Variants in ASNS observed in about 807,000 individuals in gnomAD.
ASNS encodes asparagine synthetase [glutamine-hydrolyzing].
Under a neutral mutation model 62.6 loss-of-function variants are expected in ASNS, and 37 were observed. The observed-to-expected ratio is 0.59, with a 90% confidence interval of 0.45 to 0.78. ASNS has a LOEUF of 0.78. ASNS is among the 30% of genes least tolerant of loss of function. The probability of loss-of-function intolerance (pLI) is 0.00; values close to 1 mark genes in which losing one functional copy is unlikely to be tolerated. For missense variants in ASNS, 520 were observed against 682.4 expected (o/e 0.76, Z 2.65); for synonymous variants, 207 against 237.9 (o/e 0.87, Z 1.19).
chr7:97,926,389 G>C, the ASNS span, among the ~76,000 whole-genome samples: 2 of 152,122 alleles, frequency 1.3e-5, no homozygotes, highest in Non-Finnish European at 2.9e-5. Context: ...CAAGCTAATG[G>C]TCTACACAGA....
chr7:97,859,087 G>A (rs1367157097), intron 5 of ASNS, 126 bp downstream of exon 5: 5 of 1,393,322 alleles, frequency 3.6e-6, no homozygotes, highest in Non-Finnish European at 4.9e-6. Flanking sequence ...AAATCTTAAT[G>A]TGTTCCCTCC....
At chr7:97,888,847 C>G in the ASNS span, among the ~76,000 whole-genome samples, 3 of 152,114 alleles carry the variant, frequency 2.0e-5, no homozygotes, top group African/African-American at 7.2e-5. Flanking sequence ...CATCTGGGGG[C>G]CTGGAGATTG....
At chr7:97,905,707 C>T in the ASNS span, among the ~76,000 whole-genome samples, 1 of 152,166 alleles carries the variant, frequency 6.6e-6, no homozygotes, top group African/African-American at 2.4e-5. Context: ...TTCCAAGCTA[C>T]CTTCTCCACT....
upstream of ASNS, among the ~76,000 whole-genome samples, chr7:97,876,099 C>T (rs1003435492): frequency 1.3e-5 from 2 of 152,122 alleles, no homozygotes; most frequent in Non-Finnish European, 1.5e-5. Flanking sequence ...TCAGGTGATC[C>T]ACCTGCCTCG....
chr7:97,874,617 T>A (rs532420063), upstream of ASNS, among the ~76,000 whole-genome samples: 554 of 152,370 alleles, frequency 3.6e-3, 1 homozygote, highest in Non-Finnish European at 4.2e-3. Context: ...AAAATCTTCA[T>A]AATCCACGTT....
the ASNS span, among the ~76,000 whole-genome samples, chr7:97,915,341 A>G: frequency 6.6e-6 from 1 of 152,220 alleles, no homozygotes; most frequent in Admixed American, 6.5e-5. Flanking sequence ...AACCATCACT[A>G]TCTAATACTG....
the ASNS span, among the ~76,000 whole-genome samples, chr7:97,887,276 G>T: frequency 1.3e-5 from 2 of 152,278 alleles, 1 homozygote; most frequent in South Asian, 4.1e-4. Flanking sequence ...TCCCTCCCCA[G>T]TCAGGCCCCC....
chr7:97,884,559 G>A, the ASNS span, among the ~76,000 whole-genome samples: 4,958 of 152,046 alleles, frequency 0.033, 237 homozygotes, highest in African/African-American at 0.098. Flanking sequence ...CCAAAAAAAA[G>A]TCCCTTAAAT....
chr7:97,884,526 G>T, the ASNS span, among the ~76,000 whole-genome samples: 1 of 152,108 alleles, frequency 6.6e-6, no homozygotes, highest in Non-Finnish European at 1.5e-5. Context: ...CCAAGCCTGG[G>T]CGTCAAGAGT....
At chr7:97,873,181 C>T (rs1792361326), upstream of ASNS, among the ~76,000 whole-genome samples, 1 of 152,234 alleles carries the variant, frequency 6.6e-6, no homozygotes, top group Non-Finnish European at 1.5e-5. Flanking sequence ...ATTTTGTCAA[C>T]TTGCCTCCAC....
the ASNS span, among the ~76,000 whole-genome samples, chr7:97,883,885 G>T: frequency 3.3e-5 from 5 of 151,098 alleles, no homozygotes; most frequent in African/African-American, 1.2e-4. Context: ...CTACTTGGGA[G>T]ACTGAGGCAG....
Position 97,856,751 on chromosome 7 carries a change from A to T in ASNS, c.969T>A (p.Ala323=). Residue 323 remains alanine, a synonymous_variant, in exon 8 of 13, where the codon GCT becomes GCA. Coordinates refer to ENST00000394308, the MANE Select transcript of ASNS (RefSeq NM_001673.5). Reference sequence around the variant, plus strand: ...CCAAGGAAAATATGACTTCATCCAGAGCCTGAATGCCTTCCTCAGAGTTAA... The same window carrying T: ...CCAAGGAAAATATGACTTCATCCAGTGCCTGAATGCCTTCCTCAGAGTTAA... ...VLFNSEEGIQ[A]LDEVIFSLET... The T allele has an allele frequency of 6.2e-7, 1 of 1,613,270 alleles. No individual in the cohort carries two copies. The highest frequency in any genetic ancestry group is 1.1e-5 in the South Asian group (1 of 91,044).
the ASNS span, among the ~76,000 whole-genome samples, chr7:97,884,702 T>C: frequency 3.3e-5 from 5 of 152,156 alleles, no homozygotes; most frequent in African/African-American, 1.2e-4. Context: ...TCAAGGAAGA[T>C]TTTACTTTTT....
the ASNS span, among the ~76,000 whole-genome samples, chr7:97,914,510 A>G: frequency 6.9e-6 from 1 of 144,766 alleles, no homozygotes; most frequent in Admixed American, 7.5e-5. Context: ...TGGCTGTGTC[A>G]TGTTGCTGCC....
the ASNS span, among the ~76,000 whole-genome samples, chr7:97,879,236 G>A: frequency 3.3e-5 from 5 of 152,092 alleles, no homozygotes; most frequent in East Asian, 9.6e-4. Context: ...ATAGGCATGG[G>A]CAAGGACTTC....
the ASNS span, among the ~76,000 whole-genome samples, chr7:97,910,895 T>C: frequency 1.3e-5 from 2 of 152,194 alleles, no homozygotes; most frequent in Non-Finnish European, 2.9e-5. Flanking sequence ...CCACCACGCC[T>C]AGCCTTAGAC....
chr7:97,859,504 ACACATACC>A (rs2115662471), intron 4 of ASNS, 106 bp from the exon 5 acceptor site: 1 of 1,222,596 alleles, frequency 8.2e-7, no homozygotes, highest in South Asian at 2.1e-5. Flanking sequence ...TTTAATACAA[ACACATACC>A]CATTAAATAA....
At chr7:97,915,497 C>T in the ASNS span, among the ~76,000 whole-genome samples, 1 of 152,196 alleles carries the variant, frequency 6.6e-6, no homozygotes, top group Admixed American at 6.5e-5. Context: ...CTGGCCCTCA[C>T]GGTGACCACA....
intron 8 of ASNS, among the ~76,000 whole-genome samples, chr7:97,855,885 T>C (rs1208157650): frequency 6.6e-6 from 1 of 152,202 alleles, no homozygotes; most frequent in Non-Finnish European, 1.5e-5. Context: ...ATTTACCAGA[T>C]TTCACATAAA....
Sources: allele counts gnomAD v4.1 joint callset (sites outside exome capture counted in the v4.1 genomes callset), GRCh38; gene constraint gnomAD v4.1.1; transcripts MANE v1.5; gene names NCBI Gene and HGNC (gene_info 2026-07-23, HGNC 2026-07-21).